COLEC10: variants seen among roughly 807,000 people sequenced by gnomAD.
COLEC10 encodes the protein collectin-10.
A neutral mutation model predicts 28.4 loss-of-function variants in COLEC10; 22 were observed. The observed-to-expected ratio is 0.78, with a 90% confidence interval of 0.55 to 1.11. COLEC10 has a LOEUF of 1.11. Ranked by LOEUF, COLEC10 falls within the 50% of genes least tolerant of loss-of-function variation. The probability of loss-of-function intolerance (pLI) is 0.00; values close to 1 mark genes in which losing one functional copy is unlikely to be tolerated. For synonymous variants in COLEC10, 125 were observed against 116.1 expected (o/e 1.08, Z -0.49); for missense variants, 361 against 344.1 (o/e 1.05, Z -0.39).
intron 2 of COLEC10, among the ~76,000 whole-genome samples, chr8:119,053,389 T>C (rs534098496): frequency 2.0e-5 from 3 of 152,242 alleles, no homozygotes; most frequent in African/African-American, 4.8e-5. Context: ...GGCTGTTTCA[T>C]TTAAGGATGA....
chr8:119,091,077 G>A, intron 2 of COLEC10, 72 bp from the exon 3 acceptor site: 2 of 1,175,174 alleles, frequency 1.7e-6, no homozygotes, highest in Non-Finnish European at 2.5e-6. Flanking sequence ...TCTTTCAAGT[G>A]AATATCACAT....
chr8:119,016,804 C>T (rs967276720), intron 2 of COLEC10, among the ~76,000 whole-genome samples: 3 of 152,166 alleles, frequency 2.0e-5, no homozygotes, highest in Admixed American at 2.0e-4. Flanking sequence ...GCAACTGCCG[C>T]CTCCTGGGTT....
rs1347074371 is a variant in COLEC10 at position 119,106,178 on chromosome 8, A to G, written c.821A>G (p.Lys274Arg). ...LTMYFVCEFI[K>R]KKK ...ATGTACTTTGTCTGTGAGTTCATCA[A>G]GAAGAAAAAGTAACTTCCCTCATCC... Residue 274 changes from lysine to arginine, a missense_variant, in exon 6 of 6, where the codon AAG becomes AGG. Physicochemically the swap from Lys to Arg is conservative, Grantham distance 26. This residue lies in a region of COLEC10 where 22 missense variants were observed against 17.3 expected (regional missense o/e 1.28). Coordinates refer to ENST00000332843, the MANE Select transcript of COLEC10 (RefSeq NM_006438.5). 1.3e-6 allele frequency: 2 copies of G among 1,597,634 alleles called. No homozygotes were observed. Among genetic ancestry groups the G allele is most frequent in the African/African-American group, 2.7e-5 (2 of 74,490 alleles).
intron 3 of COLEC10, among the ~76,000 whole-genome samples, chr8:119,093,345 A>C (rs1479910912): frequency 6.6e-6 from 1 of 152,198 alleles, no homozygotes; most frequent in Admixed American, 6.5e-5. Flanking sequence ...ATTCGGAGGC[A>C]GGGATGAAGG....
intron 2 of COLEC10, among the ~76,000 whole-genome samples, chr8:119,030,791 G>A (rs1478265545): frequency 2.0e-5 from 3 of 152,126 alleles, no homozygotes; most frequent in African/African-American, 7.2e-5. Context: ...ATCATGGGAA[G>A]GCATGTCTTA....
At chr8:119,023,331 A>G (rs1404974269) in intron 2 of COLEC10, among the ~76,000 whole-genome samples, 1 of 152,198 alleles carries the variant, frequency 6.6e-6, no homozygotes, top group African/African-American at 2.4e-5. Context: ...TCATGTATGT[A>G]TCTCATTTGT....
At chr8:119,055,449 A>C (rs1814743613) in intron 2 of COLEC10, among the ~76,000 whole-genome samples, 2 of 152,054 alleles carry the variant, frequency 1.3e-5, no homozygotes, top group South Asian at 4.1e-4. Flanking sequence ...CAAGGTTAGC[A>C]TGGGTCACAG....
intron 1 of COLEC10, among the ~76,000 whole-genome samples, chr8:119,080,631 T>A (rs1383214505): frequency 1.3e-5 from 2 of 152,140 alleles, no homozygotes; most frequent in Non-Finnish European, 1.5e-5. Flanking sequence ...TTATTATTTA[T>A]GTTTTATGTT....
chr8:118,990,286 C>T, the COLEC10 span, among the ~76,000 whole-genome samples: 1 of 151,832 alleles, frequency 6.6e-6, no homozygotes, highest in Non-Finnish European at 1.5e-5. Flanking sequence ...ATTTTAAAAG[C>T]TGAGAAGAAT....
intron 2 of COLEC10, among the ~76,000 whole-genome samples, chr8:119,026,168 A>G (rs1814187037): frequency 6.6e-6 from 1 of 152,188 alleles, no homozygotes; most frequent in Non-Finnish European, 1.5e-5. Flanking sequence ...AAAAAGTAGG[A>G]GTCATAATTT....
intron 1 of COLEC10, among the ~76,000 whole-genome samples, chr8:119,073,961 C>CATAT (rs139009488): frequency 1.7e-5 from 2 of 114,910 alleles, no homozygotes; most frequent in African/African-American, 4.3e-5. Flanking sequence ...CATATATACA[C>CATAT]ATATACACAT....
At chr8:118,997,064 C>T (rs913272446) in intron 1 of COLEC10, among the ~76,000 whole-genome samples, 26 of 152,194 alleles carry the variant, frequency 1.7e-4, no homozygotes, top group African/African-American at 6.0e-4. Context: ...TTGAAGAAGA[C>T]ACACATCCAA....
At chr8:119,025,208 T>A (rs1814169164) in intron 2 of COLEC10, among the ~76,000 whole-genome samples, 1 of 152,194 alleles carries the variant, frequency 6.6e-6, no homozygotes. Context: ...AAGAAAGGGA[T>A]ACTGAAGAAT....
intron 1 of COLEC10, among the ~76,000 whole-genome samples, chr8:119,003,955 A>G (rs1563713839): frequency 6.6e-6 from 1 of 152,082 alleles, no homozygotes; most frequent in Admixed American, 6.6e-5. Context: ...GAAGGACCAT[A>G]CAGTTGATTA....
intron 3 of COLEC10, 83 bp downstream of exon 3, chr8:119,091,303 A>G: frequency 1.0e-6 from 1 of 987,718 alleles, no homozygotes; most frequent in Non-Finnish European, 1.6e-6. Context: ...TAATCCCAAC[A>G]CTCAGAGACC....
upstream of COLEC10, among the ~76,000 whole-genome samples, chr8:118,994,024 C>T (rs1292407033): frequency 6.6e-6 from 1 of 152,136 alleles, no homozygotes; most frequent in African/African-American, 2.4e-5. Flanking sequence ...CTTAAGCTAG[C>T]TCTATCAAAA....
At chr8:119,035,374 T>A (rs1814371782) in intron 2 of COLEC10, among the ~76,000 whole-genome samples, 1 of 152,212 alleles carries the variant, frequency 6.6e-6, no homozygotes, top group South Asian at 2.1e-4. Context: ...GCCTGAGGCA[T>A]GAACAGCATA....
chr8:118,982,618 C>G, the COLEC10 span: 2 of 193,702 alleles, frequency 1.0e-5, no homozygotes, highest in Non-Finnish European at 2.3e-5. Context: ...TTAGGCTGGA[C>G]TATGGGACTG....
the COLEC10 span, among the ~76,000 whole-genome samples, chr8:118,981,886 A>T: frequency 6.6e-6 from 1 of 152,014 alleles, no homozygotes; most frequent in Non-Finnish European, 1.5e-5. Flanking sequence ...TGAAACAATG[A>T]CTTCCTGGAG....
Sources: allele counts gnomAD v4.1 joint callset (sites outside exome capture counted in the v4.1 genomes callset), GRCh38; gene constraint gnomAD v4.1.1; regional missense constraint gnomAD v4.1.1; transcripts MANE v1.5; gene names NCBI Gene and HGNC (gene_info 2026-07-23, HGNC 2026-07-21).